SHLD1: variants seen among roughly 807,000 people sequenced by gnomAD.
SHLD1 encodes the protein RINN1-REV7-interacting novel NHEJ regulator 3.
A neutral mutation model predicts 5.5 loss-of-function variants in SHLD1; 3 were observed. The observed-to-expected ratio is 0.54, with a 90% CI of 0.25 to 1.40. The LOEUF is 1.40. Ranked by LOEUF, SHLD1 falls within the 40% of genes most tolerant of loss-of-function variation. The pLI is 0.15. For synonymous variants in SHLD1, 92 were observed against 94.3 expected (o/e 0.98, Z 0.14); for missense variants, 210 against 244.4 (o/e 0.86, Z 0.94).
In SHLD1 at chr20:5,750,820, T is replaced by C. The variant is rs545869716; in HGVS notation, c.-5+341T>C. On this transcript the variant is annotated intron_variant, in intron 1 of 2. Coordinates refer to ENST00000303142, the MANE Select transcript of SHLD1 (RefSeq NM_152504.4). ...ATTTCTATTCACCTACTAAGTAAAATTTGCCCATTTAAAGCGTAAAAAAAA... is the reference window on the plus strand; with the variant it reads ...ATTTCTATTCACCTACTAAGTAAAACTTGCCCATTTAAAGCGTAAAAAAAA... Among the ~76,000 whole-genome samples the C allele has an allele frequency of 4.0e-5, 6 of 151,792 alleles. No individual in the cohort carries two copies. The East Asian group carries it at 1.2e-3, about 29-fold the overall frequency.
At chr20:5,845,767 C>G (rs1014062292) in intron 2 of SHLD1, among the ~76,000 whole-genome samples, 41 of 152,116 alleles carry the variant, frequency 2.7e-4, no homozygotes, top group African/African-American at 9.2e-4. Context: ...ATTCTGTCCC[C>G]TGAGGATGGA....
intron 2 of SHLD1, among the ~76,000 whole-genome samples, chr20:5,789,194 C>T (rs562144434): frequency 3.9e-5 from 4 of 102,450 alleles, no homozygotes; most frequent in African/African-American, 1.6e-4. Context: ...ATACGTTTGC[C>T]AATAAAAGTT....
chr20:5,863,070 G>A lies in SHLD1; in HGVS notation c.225G>A (p.Glu75=). 1.2e-6 allele frequency: 2 copies of A among 1,613,820 alleles called. No individual in the cohort carries two copies. The highest frequency in any genetic ancestry group is 1.7e-5 in the Admixed American group (1 of 59,938). The change falls in exon 3 of 3, where the codon GAG becomes GAA. Residue 75 remains glutamate (E), a synonymous_variant. Transcript: ENST00000303142. ...AACAAAATAACTCCTGGACCGCTGA[G>A]AACTTCTGGCTTGACCCTGCTGTGA... ...NIEQNNSWTA[E]NFWLDPAVKG...
intron 2 of SHLD1, among the ~76,000 whole-genome samples, chr20:5,800,713 A>G (rs1600135701): frequency 6.6e-6 from 1 of 152,040 alleles, no homozygotes; most frequent in Non-Finnish European, 1.5e-5. Context: ...GAATTTATGT[A>G]CAGAGGTTGG....
chr20:5,841,203 G>A (rs1210118489), intron 2 of SHLD1, among the ~76,000 whole-genome samples: 2 of 146,968 alleles, frequency 1.4e-5, no homozygotes, highest in East Asian at 2.0e-4. Context: ...GTGTGTGTGT[G>A]CACATGCATA....
At chr20:5,862,791 C>T (rs1227559247) in intron 2 of SHLD1, among the ~76,000 whole-genome samples, 1 of 152,156 alleles carries the variant, frequency 6.6e-6, no homozygotes, top group African/African-American at 2.4e-5. Context: ...TATACAGGGA[C>T]ATCGGGCTAA....
chr20:5,862,491 C>T (rs2088176453), intron 2 of SHLD1, among the ~76,000 whole-genome samples: 1 of 152,218 alleles, frequency 6.6e-6, no homozygotes, highest in Non-Finnish European at 1.5e-5. Flanking sequence ...CCAGGAGTGC[C>T]CTGTTATAAG....
In SHLD1 at chr20:5,806,946, T is replaced by C. The variant is rs6038294; in HGVS notation, c.178+33903T>C. Among the ~76,000 whole-genome samples the C allele has an allele frequency of 1.2e-3, 181 of 152,358 alleles. 1 individual carries two copies. Among genetic ancestry groups the C allele is most frequent in the African/African-American group, 4.2e-3 (175 of 41,598 alleles). ...AGTGAGTGAGTGGTCGTGTAACCTG[T>C]ACCTGCAATCTTGGCCTTGAATTCT... On this transcript the variant is annotated intron_variant, in intron 2 of 2. Coordinates refer to ENST00000303142, the MANE Select transcript of SHLD1 (RefSeq NM_152504.4). The surrounding 1 kb of genome is among the most constrained non-coding windows in gnomAD (Gnocchi z 7.6).
intron 2 of SHLD1, among the ~76,000 whole-genome samples, chr20:5,805,156 C>T (rs1466806142): frequency 6.6e-6 from 1 of 152,100 alleles, no homozygotes; most frequent in South Asian, 2.1e-4. Context: ...AGTCTTAATC[C>T]TTTGCTGCTG....
chr20:5,858,135 C>T (rs2088114613), intron 2 of SHLD1, among the ~76,000 whole-genome samples: 1 of 151,446 alleles, frequency 6.6e-6, no homozygotes, highest in Admixed American at 6.6e-5. Flanking sequence ...TTTCTTTCAG[C>T]TCTGTAACCT....
intron 2 of SHLD1, among the ~76,000 whole-genome samples, chr20:5,822,310 T>G (rs2087615091): frequency 6.6e-6 from 1 of 151,764 alleles, no homozygotes; most frequent in Non-Finnish European, 1.5e-5. Context: ...ATACAGAAAA[T>G]TAGCCGGGCG....
intron 2 of SHLD1, among the ~76,000 whole-genome samples, chr20:5,773,923 G>T (rs898954206): frequency 6.6e-6 from 1 of 152,106 alleles, no homozygotes; most frequent in African/African-American, 2.4e-5. Context: ...AATCCAAATG[G>T]CCGGGTGTGG....
chr20:5,825,003 G>A (rs905359507), intron 2 of SHLD1, among the ~76,000 whole-genome samples: 1 of 152,066 alleles, frequency 6.6e-6, no homozygotes, highest in Admixed American at 6.6e-5. Context: ...AAGAGAAGAT[G>A]TACTCCTTTA....
chr20:5,768,852 C>T (rs537210741), intron 1 of SHLD1, among the ~76,000 whole-genome samples: 4 of 151,424 alleles, frequency 2.6e-5, no homozygotes, highest in South Asian at 2.1e-4. Flanking sequence ...GCTTGGAAGG[C>T]GGCTATGCTC....
intron 2 of SHLD1, among the ~76,000 whole-genome samples, chr20:5,840,457 G>A (rs1243203426): frequency 1.3e-5 from 2 of 152,118 alleles, no homozygotes; most frequent in Admixed American, 1.3e-4. Flanking sequence ...GATGAGAGAT[G>A]GGACATAGGA....
intron 2 of SHLD1, among the ~76,000 whole-genome samples, chr20:5,785,607 C>A (rs910178724): frequency 6.6e-5 from 10 of 152,070 alleles, no homozygotes; most frequent in African/African-American, 2.4e-4. Context: ...ACCAGCCTGG[C>A]CAACACAGTG....
At chr20:5,772,808 G>A in intron 1 of SHLD1, 54 bp from the exon 2 acceptor site, 1 of 1,441,100 alleles carries the variant, frequency 6.9e-7, no homozygotes, top group Non-Finnish European at 9.4e-7. Flanking sequence ...TCCAATGAAG[G>A]ATCCTGCTAT....
intron 2 of SHLD1, among the ~76,000 whole-genome samples, chr20:5,837,240 G>A (rs2087800290): frequency 6.6e-6 from 1 of 152,198 alleles, no homozygotes; most frequent in South Asian, 2.1e-4. Context: ...GGGGTTAGGA[G>A]TATTGGCCTC....
intron 2 of SHLD1, among the ~76,000 whole-genome samples, chr20:5,803,667 G>A (rs935447279): frequency 3.3e-5 from 5 of 151,594 alleles, no homozygotes; most frequent in Admixed American, 2.0e-4. Context: ...TCAAGAGATC[G>A]AGACCATCCT....
Sources: allele counts gnomAD v4.1 joint callset (sites outside exome capture counted in the v4.1 genomes callset), GRCh38; gene constraint gnomAD v4.1.1; non-coding constraint Gnocchi (gnomAD v3.1); transcripts MANE v1.5; gene names NCBI Gene and HGNC (gene_info 2026-07-23, HGNC 2026-07-21).